Variants in RIPOR3 observed in about 807,000 individuals in gnomAD.
RIPOR3 encodes the protein RIPOR family member 3.
RIPOR3 carries 95 observed loss-of-function variants against 114.3 expected under a neutral mutation model. That is an observed-to-expected ratio of 0.83 (90% CI 0.70 to 0.99). The LOEUF (loss-of-function observed/expected upper bound fraction) is 0.99, where lower values mean the gene tolerates loss of function less well. Ranked by LOEUF, RIPOR3 falls within the 50% of genes least tolerant of loss-of-function variation. The pLI is 0.00. For synonymous variants in RIPOR3, 575 were observed against 543.8 expected (o/e 1.06, Z -0.80); for missense variants, 1,252 against 1,266.9 (o/e 0.99, Z 0.18).
At chr20:50,662,760 C>T (rs1342241104) in intron 1 of RIPOR3, among the ~76,000 whole-genome samples, 2 of 152,180 alleles carry the variant, frequency 1.3e-5, no homozygotes, top group African/African-American at 4.8e-5. Context: ...TCTTTCCAAG[C>T]CTCAGCTTTC....
chr20:50,595,565 AC>A, intron 15 of RIPOR3, 61 bp from the exon 16 acceptor site: 1 of 1,589,356 alleles, frequency 6.3e-7, no homozygotes, highest in Non-Finnish European at 8.6e-7. Context: ...GTCAGCTGTT[AC>A]GGCTGTGGCT....
intron 1 of RIPOR3, among the ~76,000 whole-genome samples, chr20:50,670,186 G>C (rs2086419855): frequency 6.6e-6 from 1 of 151,248 alleles, no homozygotes; most frequent in Non-Finnish European, 1.5e-5. Flanking sequence ...AAAAAGAAGA[G>C]GGCGCTCTGA....
intron 1 of RIPOR3, among the ~76,000 whole-genome samples, chr20:50,690,643 G>T (rs564410766): frequency 6.6e-6 from 1 of 152,084 alleles, no homozygotes. Context: ...AAGCAAGTCA[G>T]AAAAACCTAG....
In RIPOR3 at chr20:50,596,175, T is replaced by C. The variant is rs2083281651; in HGVS notation, c.1879A>G (p.Met627Val). 6.2e-7 allele frequency: 1 copy of C among 1,614,026 alleles called. No individual in the cohort carries two copies. Among genetic ancestry groups the C allele is most frequent in the African/African-American group, 1.3e-5 (1 of 74,932 alleles). The change falls in exon 15 of 22, where the codon ATG becomes GTG. Residue 627 changes from methionine (M) to valine (V), a missense_variant. Met to Val is a conservative substitution (Grantham distance 21, BLOSUM62 1). Transcript: ENST00000327979. ...GCTTTGCAGACTTGGAGGTGTACCA[T>C]CAGCAGCACGTCCAGCTCTGGGGCA... ...AGAPELDVLL[M>V]VHLQVCKALL...
At chr20:50,588,060 C>T (rs1601427056) in intron 20 of RIPOR3, among the ~76,000 whole-genome samples, 168 bp from the exon 21 acceptor site, 1 of 152,248 alleles carries the variant, frequency 6.6e-6, no homozygotes, top group Non-Finnish European at 1.5e-5. Context: ...TCATGAGAGG[C>T]ACCTCTGGAC....
intron 1 of RIPOR3, among the ~76,000 whole-genome samples, chr20:50,677,661 C>G (rs1381872564): frequency 6.7e-6 from 1 of 149,506 alleles, no homozygotes; most frequent in Non-Finnish European, 1.5e-5. Context: ...CGTGAGCCAC[C>G]GCGCCTGGCC....
chr20:50,589,927 T>G (rs2083056402), intron 19 of RIPOR3, 158 bp from the exon 20 acceptor site: 1 of 641,914 alleles, frequency 1.6e-6, no homozygotes, highest in African/African-American at 1.8e-5. Context: ...GGGCCCTGTG[T>G]ACACAGTCAC....
chr20:50,690,127 C>A (rs1191917719), intron 1 of RIPOR3, among the ~76,000 whole-genome samples: 1 of 152,242 alleles, frequency 6.6e-6, no homozygotes, highest in African/African-American at 2.4e-5. Flanking sequence ...GTGATTCCCC[C>A]CAGGGGAGGC....
intron 17 of RIPOR3, 110 bp downstream of exon 17, chr20:50,594,443 C>T (rs756070564): frequency 6.4e-5 from 82 of 1,288,534 alleles, no homozygotes; most frequent in Non-Finnish European, 8.7e-5. Context: ...CATGAAGACA[C>T]AGAGGTGAAG....
At chr20:50,667,864 G>A (rs374567125) in intron 1 of RIPOR3, among the ~76,000 whole-genome samples, 10 of 152,322 alleles carry the variant, frequency 6.6e-5, no homozygotes, top group African/African-American at 2.2e-4. Context: ...GGTAAGTTCC[G>A]TAGCCTCTCT....
chr20:50,626,550 G>T (rs554510680), intron 2 of RIPOR3, among the ~76,000 whole-genome samples: 2 of 152,222 alleles, frequency 1.3e-5, no homozygotes, highest in Admixed American at 6.5e-5. Context: ...GAGGCCTACC[G>T]TGGGGGCACT....
At chr20:50,639,537 AG>A (rs2085114106) in intron 1 of RIPOR3, among the ~76,000 whole-genome samples, 1 of 152,142 alleles carries the variant, frequency 6.6e-6, no homozygotes, top group Non-Finnish European at 1.5e-5. Context: ...TGAAGTGGCA[AG>A]TTGGTAGCAT....
At chr20:50,608,584 C>G (rs1401675849) in intron 10 of RIPOR3, 29 bp downstream of exon 10, 1 of 1,613,802 alleles carries the variant, frequency 6.2e-7, no homozygotes, top group Admixed American at 1.7e-5. Context: ...CCCAGGCACC[C>G]CAGCCCTGCC....
chr20:50,625,163 T>C (rs944402974), intron 2 of RIPOR3, among the ~76,000 whole-genome samples: 3 of 152,116 alleles, frequency 2.0e-5, no homozygotes, highest in African/African-American at 4.8e-5. Context: ...CTCCGCCTCC[T>C]GGGCTCAAGT....
chr20:50,629,860 C>T (rs972135493), intron 2 of RIPOR3, among the ~76,000 whole-genome samples: 1 of 152,186 alleles, frequency 6.6e-6, no homozygotes, highest in Non-Finnish European at 1.5e-5. Context: ...ACATTCCTTC[C>T]CAACCCCGCC....
At chr20:50,587,654 A>G in intron 21 of RIPOR3, 148 bp downstream of exon 21, 1 of 711,816 alleles carries the variant, frequency 1.4e-6, no homozygotes. Context: ...CAAAGGGTGG[A>G]GGTCGGCTCT....
chr20:50,667,286 C>CTTT lies in RIPOR3; in HGVS notation c.3+23837_3+23839dup, dbSNP rs139859156. ...TTTCTGCTTTAAGTTCTTTAAACTACTTTTTTTTTTTTTTTTTTTTTTTTT... is the reference window on the plus strand; with the variant it reads ...TTTCTGCTTTAAGTTCTTTAAACTACTTTTTTTTTTTTTTTTTTTTTTTTTTTT... On this transcript the variant is annotated intron_variant, in intron 1 of 21. Coordinates refer to ENST00000327979, the MANE Select transcript of RIPOR3 (RefSeq NM_001290268.2). 1.2e-3 allele frequency among the ~76,000 whole-genome samples: 81 copies of CTTT among 67,556 alleles called. 1 individual carries two copies. The highest frequency in any genetic ancestry group is 2.5e-3 in the African/African-American group (45 of 18,146). The allele number at this position is 67,556 out of a possible 152,430, so 44.3% of individuals were successfully genotyped here.
intron 17 of RIPOR3, among the ~76,000 whole-genome samples, chr20:50,593,514 T>C (rs2083182268): frequency 1.3e-5 from 2 of 151,708 alleles, no homozygotes. Flanking sequence ...GAGGTTGTAG[T>C]GAGCCAAGAT....
intron 1 of RIPOR3, among the ~76,000 whole-genome samples, chr20:50,682,804 C>G (rs989493667): frequency 6.6e-6 from 1 of 151,782 alleles, no homozygotes; most frequent in Admixed American, 6.6e-5. Flanking sequence ...CTTGGCTCAC[C>G]GCAACCTCTG....
Sources: allele counts gnomAD v4.1 joint callset (sites outside exome capture counted in the v4.1 genomes callset), GRCh38; gene constraint gnomAD v4.1.1; transcripts MANE v1.5; gene names NCBI Gene and HGNC (gene_info 2026-07-23, HGNC 2026-07-21).